Variants in HSDL2 observed in about 807,000 individuals in gnomAD.
HSDL2 encodes the protein hydroxysteroid dehydrogenase like 2.
Under a neutral mutation model 46.3 loss-of-function variants are expected in HSDL2, and 27 were observed. The ratio of observed to expected loss-of-function variants is 0.58; its 90% CI spans 0.43 to 0.80. The LOEUF is 0.80. HSDL2 is among the 30% of genes least tolerant of loss of function. The probability of loss-of-function intolerance (pLI) is 0.00; values close to 1 mark genes in which losing one functional copy is unlikely to be tolerated. For missense variants in HSDL2, 451 were observed against 502.7 expected (o/e 0.90, Z 0.98); for synonymous variants, 153 against 163.6 (o/e 0.94, Z 0.50).
At chr9:112,441,385 G>A (rs933023150) in intron 7 of HSDL2, among the ~76,000 whole-genome samples, 6 of 152,090 alleles carry the variant, frequency 3.9e-5, no homozygotes, top group African/African-American at 1.2e-4. Flanking sequence ...TGACAACTTC[G>A]GAAGAATGTG....
chr9:112,388,324 T>C (rs1831261643), intron 1 of HSDL2, among the ~76,000 whole-genome samples: 1 of 149,994 alleles, frequency 6.7e-6, no homozygotes, highest in African/African-American at 2.5e-5. Context: ...AGCTGGGCGT[T>C]GTGGTGCGTG....
chr9:112,439,693 C>A (rs539692558), intron 7 of HSDL2, among the ~76,000 whole-genome samples: 1 of 152,258 alleles, frequency 6.6e-6, no homozygotes, highest in South Asian at 2.1e-4. Flanking sequence ...AAGTAAATAG[C>A]GGATTATAGT....
intron 10 of HSDL2, among the ~76,000 whole-genome samples, chr9:112,462,462 CA>C (rs10683594): frequency 2.8e-5 from 4 of 143,432 alleles, no homozygotes; most frequent in African/African-American, 5.2e-5. Flanking sequence ...GACCCTGTCT[CA>C]AAAAAAAAAA....
At chr9:112,403,470 C>T (rs1464033795) in intron 1 of HSDL2, among the ~76,000 whole-genome samples, 2 of 152,214 alleles carry the variant, frequency 1.3e-5, no homozygotes, top group Non-Finnish European at 2.9e-5. Flanking sequence ...TCTGCTTATC[C>T]GTTCATCAGC....
intron 10 of HSDL2, among the ~76,000 whole-genome samples, chr9:112,464,238 ACACACACACACACACACAC>A (rs1459784135): frequency 1.4e-5 from 2 of 148,118 alleles, no homozygotes; most frequent in Non-Finnish European, 3.0e-5. Flanking sequence ...ACACACACAC[ACACACACACACACACACAC>A]AAGTAAAATT....
chr9:112,454,263 C>T, intron 9 of HSDL2, 101 bp downstream of exon 9: 1 of 899,748 alleles, frequency 1.1e-6, no homozygotes, highest in Non-Finnish European at 1.7e-6. Flanking sequence ...GGATAGTTGG[C>T]TGCATTCAAG....
At position 112,380,137 on chromosome 9, in the gene HSDL2, C is replaced by G; in HGVS notation, c.-27C>G. The G allele has an allele frequency of 6.4e-7, 1 of 1,561,374 alleles. No individual in the cohort carries two copies. Among genetic ancestry groups the G allele is most frequent in the Non-Finnish European group, 8.7e-7 (1 of 1,151,414 alleles). On this transcript the variant is annotated 5_prime_UTR_variant, in exon 1 of 11. Transcript: ENST00000398805. The stretch of plus-strand genomic sequence containing the variant: ...CTCTGCTCGCCGCCGCCGCTGTCGC[C>G]GCCACCTCCTCTGATCTACGAAAGT...
At chr9:112,469,992 C>T (rs1055635956) in intron 10 of HSDL2, among the ~76,000 whole-genome samples, 1 of 152,082 alleles carries the variant, frequency 6.6e-6, no homozygotes, top group Non-Finnish European at 1.5e-5. Flanking sequence ...ATTTTGTGTC[C>T]ATACACTATA....
chr9:112,420,947 A>AC, intron 6 of HSDL2, among the ~76,000 whole-genome samples: 1 of 150,538 alleles, frequency 6.6e-6, no homozygotes, highest in South Asian at 2.1e-4. Context: ...AGCGCTGGTA[A>AC]TTTTTTTTTT....
chr9:112,405,502 TAG>T, intron 2 of HSDL2, 120 bp from the exon 3 acceptor site: 1 of 637,040 alleles, frequency 1.6e-6, no homozygotes, highest in Non-Finnish European at 2.7e-6. Context: ...GGTGGTAAGA[TAG>T]AGTTATTTAT....
chr9:112,380,142 C>G lies in HSDL2; in HGVS notation c.-22C>G. ...CTCGCCGCCGCCGCTGTCGCCGCCA[C>G]CTCCTCTGATCTACGAAAGTCATGT... On this transcript the variant is annotated 5_prime_UTR_variant, in exon 1 of 11. Transcript: ENST00000398805. 1 of 1,566,044 alleles carries G rather than the reference C, an allele frequency of 6.4e-7. No homozygotes were observed. Among genetic ancestry groups the G allele is most frequent in the Non-Finnish European group, 8.7e-7 (1 of 1,153,944 alleles).
At position 112,408,936 on chromosome 9, in the gene HSDL2, G is replaced by A; in HGVS notation, c.310G>A (p.Ala104Thr). 6.3e-7 allele frequency: 1 copy of A among 1,585,908 alleles called. No individual in the cohort carries two copies. The highest frequency in any genetic ancestry group is 1.1e-5 in the South Asian group (1 of 88,504). The change falls in exon 4 of 11, where the codon GCC becomes ACC. Residue 104 changes from alanine (A) to threonine (T), a missense_variant. Physicochemically the swap from Ala to Thr is moderately conservative, Grantham distance 58. Transcript: ENST00000398805. ...GIDILVNNAS[A>T]ISLTNTLDTP... is the part of the protein sequence containing the mutation. ...TGATATTCTGGTAAATAATGCCAGT[G>A]CCATTAGTTTGACCAATACATTGGA...
At chr9:112,438,817 G>A in intron 7 of HSDL2, 192 bp downstream of exon 7, 1 of 426,384 alleles carries the variant, frequency 2.3e-6, no homozygotes, top group Non-Finnish European at 4.1e-6. Context: ...ATAGAGGTGA[G>A]TTGAGGGCTT....
At chr9:112,418,562 C>A (rs1384795313) in intron 5 of HSDL2, among the ~76,000 whole-genome samples, 194 of 127,486 alleles carry the variant, frequency 1.5e-3, no homozygotes, top group Middle Eastern at 4.3e-3. Context: ...CAGCCTGTCT[C>A]AAAAAAAAAA....
At chr9:112,444,806 C>T (rs1832715268) in intron 8 of HSDL2, among the ~76,000 whole-genome samples, 1 of 147,698 alleles carries the variant, frequency 6.8e-6, no homozygotes, top group Non-Finnish European at 1.5e-5. Flanking sequence ...CTACTCTCCA[C>T]TGGAACACAG....
At chr9:112,415,877 G>T (rs1479194156) in intron 4 of HSDL2, among the ~76,000 whole-genome samples, 5 of 152,132 alleles carry the variant, frequency 3.3e-5, no homozygotes, top group Non-Finnish European at 7.4e-5. Context: ...TCTTGGCGGA[G>T]CGTGGGTGGA....
intron 6 of HSDL2, among the ~76,000 whole-genome samples, chr9:112,421,091 A>G (rs920048600): frequency 2.9e-4 from 44 of 152,190 alleles, no homozygotes; most frequent in Admixed American, 2.6e-4. Flanking sequence ...ACACTTTGAG[A>G]AGCAGAGGCA....
chr9:112,453,998 A>C lies in HSDL2; in HGVS notation c.866-15A>C, dbSNP rs1294119250. The C allele has an allele frequency of 6.2e-7, 1 of 1,609,388 alleles. No individual in the cohort carries two copies. Among genetic ancestry groups the C allele is most frequent in the Non-Finnish European group, 8.5e-7 (1 of 1,178,356 alleles). On this transcript the variant is annotated splice_polypyrimidine_tract_variant and intron_variant, in intron 8 of 10. Coordinates refer to ENST00000398805, the MANE Select transcript of HSDL2 (RefSeq NM_032303.5). ...GCCAAGCATTAAGGTCATTTGCTTC[A>C]ATAATATCTTATAGGTGCTGTTCCA...
chr9:112,412,985 C>T (rs1435215217), intron 4 of HSDL2, among the ~76,000 whole-genome samples: 5 of 151,644 alleles, frequency 3.3e-5, no homozygotes, highest in Non-Finnish European at 7.4e-5. Context: ...CACAAAGATT[C>T]TATTCACTAT....
Sources: gnomAD v4.1 joint callset for allele counts (sites outside exome capture counted in the v4.1 genomes callset) on GRCh38, gnomAD v4.1.1 for gene constraint, MANE v1.5 for transcripts, NCBI Gene and HGNC (gene_info 2026-07-23, HGNC 2026-07-21) for gene names.